The following CNTLN variants were observed in gnomAD, a reference collection of about 807,000 sequenced individuals.
CNTLN encodes centlein.
A neutral mutation model predicts 180.0 loss-of-function variants in CNTLN; 212 were observed. The ratio of observed to expected loss-of-function variants is 1.18; its 90% CI spans 1.05 to 1.32. The LOEUF (loss-of-function observed/expected upper bound fraction) is 1.32, where lower values mean the gene tolerates loss of function less well. CNTLN is among the 40% of genes most tolerant of loss of function. The probability of loss-of-function intolerance (pLI) is 0.00; values close to 1 mark genes in which losing one functional copy is unlikely to be tolerated. For synonymous variants in CNTLN, 722 were observed against 563.1 expected, an observed-to-expected ratio of 1.28 and a Z score of -3.99; for missense variants, 2,095 against 1,610.9, an observed-to-expected ratio of 1.30 and a Z score of -5.14.
chr9:17,257,124 C>T (rs1365692578), intron 5 of CNTLN, among the ~76,000 whole-genome samples: 14 of 151,886 alleles, frequency 9.2e-5, no homozygotes, highest in Non-Finnish European at 1.3e-4. Context: ...TATCCCTCCC[C>T]CCTCCTCCCA....
intron 6 of CNTLN, among the ~76,000 whole-genome samples, chr9:17,281,971 T>C (rs1396947189): frequency 6.6e-6 from 1 of 151,944 alleles, no homozygotes; most frequent in Non-Finnish European, 1.5e-5. Flanking sequence ...GACTTTTTTT[T>C]TGTTTGTTTT....
chr9:17,436,583 G>C (rs1354048219), intron 18 of CNTLN, among the ~76,000 whole-genome samples: 3 of 152,116 alleles, frequency 2.0e-5, no homozygotes, highest in Non-Finnish European at 4.4e-5. Flanking sequence ...GAGACCTTTA[G>C]CAACCCTTTA....
chr9:17,307,337 C>T (rs1028030583), intron 7 of CNTLN, among the ~76,000 whole-genome samples: 4 of 152,064 alleles, frequency 2.6e-5, no homozygotes, highest in African/African-American at 9.7e-5. Context: ...GGCACAATCT[C>T]GGCTCACTGC....
At chr9:17,301,372 G>T in intron 7 of CNTLN, 1 of 985,224 alleles carries the variant, frequency 1.0e-6, no homozygotes, top group Non-Finnish European at 1.2e-6. Context: ...AAATGATGGG[G>T]TTATGTTGTG....
intron 15 of CNTLN, among the ~76,000 whole-genome samples, chr9:17,403,730 G>C (rs1364589543): frequency 1.3e-5 from 2 of 151,632 alleles, no homozygotes; most frequent in African/African-American, 4.9e-5. Context: ...TGGGAGGTAG[G>C]GAGGTGGCCT....
intron 6 of CNTLN, among the ~76,000 whole-genome samples, chr9:17,274,404 T>C (rs1199411684): frequency 1.3e-5 from 2 of 151,986 alleles, no homozygotes. Flanking sequence ...CAGAAAATAG[T>C]ATGAGAGAGA....
chr9:17,419,735 A>T (rs1166074956), intron 18 of CNTLN, among the ~76,000 whole-genome samples: 1 of 152,190 alleles, frequency 6.6e-6, no homozygotes, highest in Non-Finnish European at 1.5e-5. Flanking sequence ...TATTTTAAAG[A>T]TAGAAAATGT....
chr9:17,293,324 G>A (rs1316100180), intron 6 of CNTLN, among the ~76,000 whole-genome samples: 2 of 152,244 alleles, frequency 1.3e-5, no homozygotes, highest in Admixed American at 1.3e-4. Context: ...GTGCTGTGGC[G>A]AATCTCAATC....
chr9:17,482,693 A>G (rs746327334), intron 23 of CNTLN, among the ~76,000 whole-genome samples: 5 of 152,182 alleles, frequency 3.3e-5, no homozygotes, highest in Non-Finnish European at 7.4e-5. Flanking sequence ...ACCCAATGTT[A>G]AAATGTGTTG....
At chr9:17,495,497 G>A (rs1267705748) in intron 25 of CNTLN, among the ~76,000 whole-genome samples, 1 of 152,014 alleles carries the variant, frequency 6.6e-6, no homozygotes, top group Non-Finnish European at 1.5e-5. Context: ...TATCCTTACA[G>A]AATAAGGATA....
At chr9:17,375,856 A>G (rs1174283851) in intron 13 of CNTLN, among the ~76,000 whole-genome samples, 1 of 152,220 alleles carries the variant, frequency 6.6e-6, no homozygotes, top group African/African-American at 2.4e-5. Flanking sequence ...TATTAAAGCC[A>G]AGATAACTAT....
intron 12 of CNTLN, among the ~76,000 whole-genome samples, chr9:17,351,846 C>A (rs922677767): frequency 6.6e-6 from 1 of 152,158 alleles, no homozygotes; most frequent in South Asian, 2.1e-4. Flanking sequence ...TTAAGCAAAT[C>A]TGAGTTCATT....
intron 5 of CNTLN, among the ~76,000 whole-genome samples, chr9:17,261,987 G>A (rs906990482): frequency 2.7e-5 from 4 of 150,726 alleles, no homozygotes; most frequent in Admixed American, 6.6e-5. Flanking sequence ...AAGCTTATCA[G>A]TAGTCATTAG....
At chr9:17,374,539 A>G (rs989783962) in intron 13 of CNTLN, among the ~76,000 whole-genome samples, 5 of 152,180 alleles carry the variant, frequency 3.3e-5, no homozygotes, top group Admixed American at 1.3e-4. Context: ...TACAACTACT[A>G]TGGAGAACAG....
In CNTLN at chr9:17,394,855, T is replaced by C. The variant is rs369185770; in HGVS notation, c.2401T>C (p.Ser801Pro). ...LINPMEKSHQ[S>P]ADRAKSEMAT... ...CAACCCAATGGAGAAATCACACCAGTCAGCAGACAGAGCTAAATCCGAGAT... is the reference window on the plus strand; with the variant it reads ...CAACCCAATGGAGAAATCACACCAGCCAGCAGACAGAGCTAAATCCGAGAT... The change falls in exon 15 of 26, where the codon TCA becomes CCA. Residue 801 changes from serine (S) to proline (P), a missense_variant. Physicochemically the swap from Ser to Pro is moderately conservative, Grantham distance 74. Transcript: ENST00000380647. 4.1e-5 allele frequency: 66 copies of C among 1,613,854 alleles called. No individual in the cohort carries two copies. The Middle Eastern group carries it at 2.3e-3, about 56-fold the overall frequency.
intron 18 of CNTLN, among the ~76,000 whole-genome samples, chr9:17,430,290 A>G (rs1232482981): frequency 6.6e-6 from 1 of 151,644 alleles, no homozygotes. Context: ...ATAATAAACT[A>G]CTCTTTTCAA....
At position 17,170,694 on chromosome 9, in the gene CNTLN, A is replaced by G. The variant is rs112784330; in HGVS notation, c.449+27318A>G. 2.5e-3 allele frequency among the ~76,000 whole-genome samples: 370 copies of G among 146,532 alleles called. 6 individuals carry two copies. The highest frequency in any genetic ancestry group is 8.9e-3 in the African/African-American group (356 of 39,938). On this transcript the variant is annotated intron_variant, in intron 2 of 25. Coordinates refer to ENST00000380647, the MANE Select transcript of CNTLN (RefSeq NM_017738.4). ...TCTGTTTTCATTCTTTTGTTCATGT[A>G]TTGTTTTCTTTATATATCATTTAAT... is the stretch of plus-strand genomic sequence containing the variant.
intron 7 of CNTLN, among the ~76,000 whole-genome samples, chr9:17,304,909 A>T (rs1818602934): frequency 6.6e-6 from 1 of 151,930 alleles, no homozygotes; most frequent in Non-Finnish European, 1.5e-5. Context: ...GCATTTGCAG[A>T]TTTTTTTTAT....
intron 2 of CNTLN, among the ~76,000 whole-genome samples, chr9:17,154,067 A>C (rs533831891): frequency 6.6e-6 from 1 of 152,058 alleles, no homozygotes; most frequent in East Asian, 1.9e-4. Flanking sequence ...ACTCTTTTTC[A>C]AGGTTCTTAG....
Sources: allele counts gnomAD v4.1 joint callset (sites outside exome capture counted in the v4.1 genomes callset), GRCh38; gene constraint gnomAD v4.1.1; transcripts MANE v1.5; gene names NCBI Gene and HGNC (gene_info 2026-07-23, HGNC 2026-07-21).